The following TMEM230 variants were observed in gnomAD, a reference collection of about 807,000 sequenced individuals.
TMEM230 encodes the protein transmembrane protein 230.
Under a neutral mutation model 15.8 loss-of-function variants are expected in TMEM230, and 10 were observed. The observed-to-expected ratio is 0.63, with a 90% CI of 0.39 to 1.07. TMEM230 has a LOEUF of 1.07. Among genes scored for constraint, TMEM230 ranks in the 50% least tolerant of loss-of-function variants. The pLI is 0.01. For synonymous variants in TMEM230, 67 were observed against 76.9 expected (o/e 0.87, Z 0.68); for missense variants, 165 against 193.3 (o/e 0.85, Z 0.87).
chr20:5,086,877 G>T (rs1012404230), intron 3 of TMEM230, among the ~76,000 whole-genome samples: 2 of 151,378 alleles, frequency 1.3e-5, no homozygotes, highest in Non-Finnish European at 2.9e-5. Flanking sequence ...TTTCTTATTT[G>T]TTTAGTTATT....
In TMEM230 at chr20:5,071,175, A is replaced by G. The variant is rs192454935; in HGVS notation, c.223-1826T>C. Among the ~76,000 whole-genome samples, 3 of 152,268 alleles carry G rather than the reference A, an allele frequency of 2.0e-5. No homozygotes were observed. The East Asian group carries it at 5.8e-4, about 29-fold the overall frequency. ...GCGGATACCTTTGATTCTAATTATT[A>G]GCGAATGCCTCAGCTCAGCATCACT... On this transcript the variant is annotated intron_variant, in intron 3 of 3. Coordinates refer to the TMEM230 transcript ENST00000612323.
chr20:5,101,383 CTG>C (rs1208029276), intron 4 of TMEM230, among the ~76,000 whole-genome samples: 3 of 152,210 alleles, frequency 2.0e-5, no homozygotes, highest in East Asian at 1.9e-4. Flanking sequence ...ACAATAAACT[CTG>C]TGTTTTTCTC....
intron 3 of TMEM230, chr20:5,109,096 G>GCT (rs2090206455): frequency 2.8e-6 from 1 of 357,182 alleles, no homozygotes; most frequent in Admixed American, 4.6e-5. Context: ...TAACTACAAG[G>GCT]CTCTCGCATT....
intron 4 of TMEM230, among the ~76,000 whole-genome samples, chr20:5,103,596 A>G (rs2089954285): frequency 1.3e-5 from 2 of 151,216 alleles, no homozygotes; most frequent in African/African-American, 4.9e-5. Flanking sequence ...GTGCCACTGC[A>G]CTCCAGCCTG....
chr20:5,089,252 A>G (rs2089441254), intron 3 of TMEM230, among the ~76,000 whole-genome samples: 1 of 152,052 alleles, frequency 6.6e-6, no homozygotes, highest in Non-Finnish European at 1.5e-5. Flanking sequence ...GCACGCACCT[A>G]TAGTCCCAGC....
At chr20:5,070,118 T>G (rs888051803) in intron 3 of TMEM230, among the ~76,000 whole-genome samples, 3 of 152,136 alleles carry the variant, frequency 2.0e-5, no homozygotes, top group Admixed American at 6.6e-5. Context: ...CTCATCTAGC[T>G]CTCTTGGAAC....
chr20:5,100,653 G>A lies in TMEM230; in HGVS notation c.*138C>T. 3 of 1,460,420 alleles carry A rather than the reference G, an allele frequency of 2.1e-6. No homozygotes were observed. Among genetic ancestry groups the A allele is most frequent in the Admixed American group, 2.6e-5 (1 of 38,002 alleles). 90.5% of individuals were successfully genotyped at this position (1,460,420 alleles called of 1,614,324 possible). A position where few individuals can be genotyped will look rare whatever the true frequency, so the allele number is the denominator to read the frequency against. On this transcript the variant is annotated 3_prime_UTR_variant, in exon 5 of 5. Coordinates refer to ENST00000342308, the MANE Select transcript of TMEM230 (RefSeq NM_001009923.2). ...TAGGTTCACTTAACATCTTTGGGAA[G>A]GACCCAAAAAATCTGGCCATTATTT...
chr20:5,096,659 G>A (rs1223126421), downstream of TMEM230, among the ~76,000 whole-genome samples: 1 of 152,194 alleles, frequency 6.6e-6, no homozygotes, highest in East Asian at 1.9e-4. Flanking sequence ...GCCAGGCAGA[G>A]GCATGACTGA....
intron 4 of TMEM230, 50 bp downstream of exon 3, chr20:5,106,138 C>A (rs2090079743): frequency 6.3e-7 from 1 of 1,583,102 alleles, no homozygotes; most frequent in East Asian, 2.3e-5. Flanking sequence ...AGAGCCTTGG[C>A]TAACATTTTA....
chr20:5,100,927 G>A lies in TMEM230; in HGVS notation c.416C>T (p.Ala139Val). 1 of 1,614,022 alleles carries A rather than the reference G, an allele frequency of 6.2e-7. No homozygotes were observed. Among genetic ancestry groups the A allele is most frequent in the Admixed American group, 1.7e-5 (1 of 59,984 alleles). ...GATCAGCACTGGAACGGCCCGGTCT[G>A]CCCCCTGGTGGCAGAAGGAGGCAAA... is the stretch of plus-strand genomic sequence containing the variant. Residue 139 changes from alanine (A) to valine (V), a missense_variant, in exon 5 of 5, where the codon GCA becomes GTA. Coordinates refer to ENST00000342308, the MANE Select transcript of TMEM230 (RefSeq NM_001009923.2).
chr20:5,074,676 T>C (rs1056444525), intron 3 of TMEM230, among the ~76,000 whole-genome samples: 28 of 151,920 alleles, frequency 1.8e-4, no homozygotes, highest in African/African-American at 4.9e-4. Flanking sequence ...TGGTGGTACA[T>C]GCTTGTAATC....
intron 3 of TMEM230, among the ~76,000 whole-genome samples, chr20:5,083,921 C>T (rs907104596): frequency 4.6e-5 from 7 of 152,080 alleles, no homozygotes; most frequent in African/African-American, 1.2e-4. Context: ...AATTATGTAT[C>T]GTGGGGGTTT....
chr20:5,106,314 G>T lies in TMEM230; in HGVS notation c.289-4C>A. ...TCTTAGGAGGGGTTTTCTTAAACTGGAAGAGAAATAGAGATGAAAAAGACA... is the reference window on the plus strand; with the variant it reads ...TCTTAGGAGGGGTTTTCTTAAACTGTAAGAGAAATAGAGATGAAAAAGACA... On this transcript the variant is annotated splice_polypyrimidine_tract_variant and splice_region_variant and intron_variant, in intron 3 of 4. Transcript: ENST00000342308. 1 of 1,598,852 alleles carries T rather than the reference G, an allele frequency of 6.3e-7. No homozygotes were observed. Among genetic ancestry groups the T allele is most frequent in the Non-Finnish European group, 8.5e-7 (1 of 1,175,520 alleles).
chr20:5,060,381 G>A, the TMEM230 span, among the ~76,000 whole-genome samples: 1 of 135,798 alleles, frequency 7.4e-6, no homozygotes, highest in African/African-American at 2.8e-5. Context: ...CTGTCACCCA[G>A]GCTGGAGTGC....
intron 3 of TMEM230, among the ~76,000 whole-genome samples, chr20:5,085,142 C>A (rs1227811397): frequency 6.6e-6 from 1 of 152,084 alleles, no homozygotes; most frequent in Non-Finnish European, 1.5e-5. Flanking sequence ...TCTTGGACTC[C>A]AGATTGCCAC....
chr20:5,061,714 T>G, the TMEM230 span, among the ~76,000 whole-genome samples: 1 of 152,082 alleles, frequency 6.6e-6, no homozygotes, highest in Non-Finnish European at 1.5e-5. Flanking sequence ...GGAATCATGA[T>G]ACAAACCCAC....
At chr20:5,104,265 G>A (rs1056191387) in intron 4 of TMEM230, among the ~76,000 whole-genome samples, 1 of 152,194 alleles carries the variant, frequency 6.6e-6, no homozygotes, top group East Asian at 1.9e-4. Flanking sequence ...TCGCTATGTT[G>A]CGCAGGCTGG....
chr20:5,107,370 G>A (rs1473429016), intron 3 of TMEM230, among the ~76,000 whole-genome samples: 1 of 152,148 alleles, frequency 6.6e-6, no homozygotes, highest in Non-Finnish European at 1.5e-5. Context: ...TCTTAAGTAT[G>A]TCCTACCACC....
chr20:5,076,749 C>T (rs1327301798), intron 3 of TMEM230, among the ~76,000 whole-genome samples: 3 of 141,144 alleles, frequency 2.1e-5, no homozygotes. Context: ...ACAGTCTTGG[C>T]TCACTGCAAC....
Sources: allele counts gnomAD v4.1 joint callset (sites outside exome capture counted in the v4.1 genomes callset), GRCh38; gene constraint gnomAD v4.1.1; transcripts MANE v1.5; gene names NCBI Gene and HGNC (gene_info 2026-07-23, HGNC 2026-07-21).